Variants in NEK1 observed in about 807,000 individuals in gnomAD.
The protein encoded by NEK1 is serine/threonine-protein kinase Nek1.
In NEK1, 137 loss-of-function variants were observed where a neutral mutation model predicts 182.1. The ratio of observed to expected loss-of-function variants is 0.75; its 90% CI spans 0.65 to 0.87. The LOEUF is 0.87. Among genes scored for constraint, NEK1 ranks in the 40% least tolerant of loss-of-function variants. NEK1 has a pLI of 0.00. For missense variants in NEK1, 1,391 were observed against 1,494.4 expected, an observed-to-expected ratio of 0.93 and a Z score of 1.14; for synonymous variants, 513 against 492.2, an observed-to-expected ratio of 1.04 and a Z score of -0.56.
intron 26 of NEK1, among the ~76,000 whole-genome samples, chr4:169,467,997 A>G (rs925017501): frequency 3.9e-5 from 6 of 152,302 alleles, no homozygotes; most frequent in Admixed American, 3.9e-4. Flanking sequence ...TAAGAGGAAA[A>G]AAAAGGATAA....
At chr4:169,410,666 C>A (rs1400645887) in intron 31 of NEK1, among the ~76,000 whole-genome samples, 1 of 152,106 alleles carries the variant, frequency 6.6e-6, no homozygotes, top group East Asian at 1.9e-4. Flanking sequence ...TTCCCAAAGA[C>A]AAAAATTACG....
intron 19 of NEK1, among the ~76,000 whole-genome samples, chr4:169,524,725 T>C (rs1345730711): frequency 1.3e-5 from 2 of 152,218 alleles, no homozygotes; most frequent in Non-Finnish European, 2.9e-5. Context: ...CCATCACTTG[T>C]TTTTGTATGG....
intron 18 of NEK1, among the ~76,000 whole-genome samples, chr4:169,542,906 G>C (rs919724315): frequency 9.2e-5 from 14 of 152,120 alleles, no homozygotes; most frequent in African/African-American, 3.4e-4. Flanking sequence ...CAGATGAATA[G>C]ATTGCAAAAT....
chr4:169,422,122 T>C (rs896997536), intron 31 of NEK1, among the ~76,000 whole-genome samples: 2 of 152,152 alleles, frequency 1.3e-5, no homozygotes, highest in African/African-American at 4.8e-5. Flanking sequence ...GAGAAAACGG[T>C]GCAGAGAATT....
intron 16 of NEK1, among the ~76,000 whole-genome samples, chr4:169,561,035 T>A (rs1012087212): frequency 6.6e-6 from 1 of 152,088 alleles, no homozygotes; most frequent in Non-Finnish European, 1.5e-5. Flanking sequence ...ACTACAAATA[T>A]AGTCTTCATT....
At chr4:169,608,945 C>T (rs1771849123) in intron 2 of NEK1, among the ~76,000 whole-genome samples, 2 of 151,138 alleles carry the variant, frequency 1.3e-5, no homozygotes, top group African/African-American at 2.4e-5. Context: ...CCTGTAATCC[C>T]AGCTACTCGG....
chr4:169,442,984 C>A (rs188080627), intron 27 of NEK1, among the ~76,000 whole-genome samples: 2 of 152,264 alleles, frequency 1.3e-5, no homozygotes, highest in East Asian at 3.9e-4. Flanking sequence ...CTGTAGTGAG[C>A]TATGATTGCA....
intron 33 of NEK1, among the ~76,000 whole-genome samples, chr4:169,401,312 CT>C (rs1579298408): frequency 6.6e-6 from 1 of 152,038 alleles, no homozygotes; most frequent in East Asian, 1.9e-4. Flanking sequence ...GTTAACTCTG[CT>C]GGTTAATATA....
chr4:169,424,297 T>C (rs1735983382), intron 31 of NEK1, among the ~76,000 whole-genome samples: 1 of 152,024 alleles, frequency 6.6e-6, no homozygotes, highest in African/African-American at 2.4e-5. Context: ...CAATAGTGCA[T>C]GAGGGTATAT....
chr4:169,443,921 C>T (rs1342319552), intron 27 of NEK1, among the ~76,000 whole-genome samples: 1 of 152,130 alleles, frequency 6.6e-6, no homozygotes, highest in African/African-American at 2.4e-5. Flanking sequence ...CAACAACAAA[C>T]TGTCAGCCAA....
intron 12 of NEK1, among the ~76,000 whole-genome samples, chr4:169,572,761 G>T (rs1213380248): frequency 1.3e-5 from 2 of 151,688 alleles, no homozygotes; most frequent in African/African-American, 2.4e-5. Flanking sequence ...AGAAGGAGGG[G>T]GCAATCAAGT....
In NEK1 at chr4:169,537,829, CTTTATT is replaced by C; in HGVS notation, c.1639_1644del (p.Asn547_Lys548del). Reference sequence around the variant, plus strand: ...CATACCATATGTCCTTCGGCTCGAGCTTTATTCTGCATAGCTTCCCGTTTTCGCTGC... The same window carrying C: ...CATACCATATGTCCTTCGGCTCGAGCCTGCATAGCTTCCCGTTTTCGCTGC... On this transcript the variant is annotated inframe_deletion, in exon 19 of 36. Transcript: ENST00000507142. The C allele has an allele frequency of 6.2e-7, 1 of 1,612,898 alleles. No homozygotes were observed. The highest frequency in any genetic ancestry group is 8.5e-7 in the Non-Finnish European group (1 of 1,179,210).
intron 31 of NEK1, among the ~76,000 whole-genome samples, chr4:169,422,607 C>T (rs1038499426): frequency 1.4e-4 from 22 of 152,108 alleles, no homozygotes; most frequent in Admixed American, 1.1e-3. Flanking sequence ...ATTTATAGAA[C>T]GGGCAGGGAT....
At chr4:169,485,700 CTATAATA>C (rs1328348494) in intron 23 of NEK1, among the ~76,000 whole-genome samples, 2 of 152,114 alleles carry the variant, frequency 1.3e-5, no homozygotes, top group African/African-American at 4.8e-5. Flanking sequence ...CCAGCTAAAT[CTATAATA>C]TATATTTCAT....
chr4:169,589,039 G>C (rs1767993833), intron 7 of NEK1, among the ~76,000 whole-genome samples: 1 of 152,126 alleles, frequency 6.6e-6, no homozygotes, highest in South Asian at 2.1e-4. Flanking sequence ...GCAACTTCCA[G>C]TCCAGCAAGC....
In NEK1 at chr4:169,602,457, A is replaced by G. The variant is rs200042168; in HGVS notation, c.117+57T>C. On this transcript the variant is annotated intron_variant, in intron 3 of 35. Coordinates refer to ENST00000507142, the MANE Select transcript of NEK1 (RefSeq NM_001199397.3). The stretch of plus-strand genomic sequence containing the variant: ...TTTTTTTTAAAGAAAATCTCTAACA[A>G]TGAGCTCTATTGTAACTAAACCATT... The G allele has an allele frequency of 2.4e-5, 22 of 916,592 alleles. No individual in the cohort carries two copies. The Admixed American group carries it at 2.6e-4, about 11-fold the overall frequency. 56.8% of individuals were successfully genotyped at this position (916,592 alleles called of 1,614,324 possible). A position where few individuals can be genotyped will look rare whatever the true frequency, so the allele number is the denominator to read the frequency against.
intron 2 of NEK1, among the ~76,000 whole-genome samples, chr4:169,603,602 T>C (rs1455710302): frequency 6.6e-6 from 1 of 152,208 alleles, no homozygotes; most frequent in Non-Finnish European, 1.5e-5. Context: ...CTATTTGTTA[T>C]TGTTGTTACT....
At chr4:169,477,544 A>T (rs1561258859) in intron 24 of NEK1, 47 bp from the exon 25 acceptor site, 1 of 1,361,576 alleles carries the variant, frequency 7.3e-7, no homozygotes, top group Non-Finnish European at 1.0e-6. Flanking sequence ...TTATTTTTTT[A>T]AATCTACCTT....
At chr4:169,445,003 T>C (rs1032681440) in intron 27 of NEK1, among the ~76,000 whole-genome samples, 14 of 152,212 alleles carry the variant, frequency 9.2e-5, no homozygotes, top group East Asian at 5.8e-4. Flanking sequence ...TGAGCAAACA[T>C]TGAGTCAACG....
Sources: gnomAD v4.1 joint callset for allele counts (sites outside exome capture counted in the v4.1 genomes callset) on GRCh38, gnomAD v4.1.1 for gene constraint, MANE v1.5 for transcripts, NCBI Gene and HGNC (gene_info 2026-07-23, HGNC 2026-07-21) for gene names.